The following SPAG16 variants were observed in gnomAD, a reference collection of about 807,000 sequenced individuals.
SPAG16 encodes sperm associated antigen 16.
Under a neutral mutation model 80.4 loss-of-function variants are expected in SPAG16, and 86 were observed. That is an observed-to-expected ratio of 1.07 (90% CI 0.90 to 1.28). The LOEUF (loss-of-function observed/expected upper bound fraction) is 1.28, where lower values mean the gene tolerates loss of function less well. Ranked by LOEUF, SPAG16 falls within the 50% of genes most tolerant of loss-of-function variation. The probability of loss-of-function intolerance (pLI) is 0.00; values close to 1 mark genes in which losing one functional copy is unlikely to be tolerated. For synonymous variants in SPAG16, 294 were observed against 265.9 expected (o/e 1.11, Z -1.03); for missense variants, 870 against 765.3 (o/e 1.14, Z -1.61).
At chr2:214,264,673 A>G (rs1420539700) in intron 15 of SPAG16, among the ~76,000 whole-genome samples, 1 of 152,136 alleles carries the variant, frequency 6.6e-6, no homozygotes, top group African/African-American at 2.4e-5. Context: ...GTGCTGTTGA[A>G]GTCCATGCAT....
chr2:213,530,770 G>C (rs982566831), intron 10 of SPAG16, among the ~76,000 whole-genome samples: 2 of 151,660 alleles, frequency 1.3e-5, no homozygotes, highest in African/African-American at 4.8e-5. Context: ...TACAATTCCT[G>C]TTAGTTGGAT....
At chr2:213,593,731 T>C (rs1322240009) in intron 10 of SPAG16, among the ~76,000 whole-genome samples, 2 of 123,640 alleles carry the variant, frequency 1.6e-5, no homozygotes, top group Admixed American at 9.5e-5. Context: ...TCATACCCCA[T>C]CATCCCCACC....
At chr2:213,348,615 T>G (rs1394457811) in intron 6 of SPAG16, among the ~76,000 whole-genome samples, 1 of 152,082 alleles carries the variant, frequency 6.6e-6, no homozygotes, top group East Asian at 1.9e-4. Context: ...TGTAAAGGAT[T>G]TTATTTCTCC....
chr2:213,348,708 C>A (rs996979450), intron 6 of SPAG16, among the ~76,000 whole-genome samples: 1 of 152,220 alleles, frequency 6.6e-6, no homozygotes, highest in Non-Finnish European at 1.5e-5. Context: ...TATTGGCCCC[C>A]ACTCTCTTCT....
intron 13 of SPAG16, among the ~76,000 whole-genome samples, chr2:214,042,438 AC>A (rs1239817911): frequency 9.8e-5 from 3 of 30,584 alleles, no homozygotes; most frequent in African/African-American, 2.4e-4. Context: ...AAACAAAACA[AC>A]AACAACAACA....
intron 10 of SPAG16, among the ~76,000 whole-genome samples, chr2:213,624,050 A>G (rs2061874847): frequency 6.6e-6 from 1 of 152,166 alleles, no homozygotes; most frequent in African/African-American, 2.4e-5. Flanking sequence ...ATTTACACCA[A>G]TTTATGGAAA....
chr2:213,909,454 T>G (rs1381849025), intron 11 of SPAG16, among the ~76,000 whole-genome samples: 2 of 152,174 alleles, frequency 1.3e-5, no homozygotes, highest in African/African-American at 2.4e-5. Context: ...GCTGGAGGCA[T>G]CACGCTACCT....
chr2:213,414,967 GA>G (rs2069170858), intron 9 of SPAG16, among the ~76,000 whole-genome samples: 1 of 152,214 alleles, frequency 6.6e-6, no homozygotes, highest in East Asian at 1.9e-4. Context: ...GGAAACCCAT[GA>G]TAAAACCATC....
chr2:214,123,640 G>A (rs1002747543), intron 14 of SPAG16, among the ~76,000 whole-genome samples: 2 of 152,012 alleles, frequency 1.3e-5, no homozygotes, highest in Admixed American at 1.3e-4. Flanking sequence ...AATAATCTCA[G>A]GAATATGAAG....
chr2:213,953,857 T>C (rs1274635972), intron 12 of SPAG16, among the ~76,000 whole-genome samples: 3 of 151,892 alleles, frequency 2.0e-5, no homozygotes, highest in Non-Finnish European at 2.9e-5. Flanking sequence ...ACCAAAAGAT[T>C]GTATGCAATG....
intron 15 of SPAG16, chr2:214,238,225 G>A (rs1689209775): frequency 9.7e-6 from 4 of 413,550 alleles, no homozygotes; most frequent in South Asian, 5.3e-5. Context: ...GCCAATGGTA[G>A]GACTGCACAA....
intron 9 of SPAG16, among the ~76,000 whole-genome samples, chr2:213,460,494 TG>T (rs1559154730): frequency 6.6e-6 from 1 of 152,206 alleles, no homozygotes; most frequent in Non-Finnish European, 1.5e-5. Context: ...TTGCTAATGT[TG>T]CAGGGAACCT....
In SPAG16 at chr2:214,059,747, ATTT is replaced by A. The variant is rs11313038; in HGVS notation, c.1527+45679_1527+45681del. Among the ~76,000 whole-genome samples the A allele has an allele frequency of 1.4e-3, 210 of 148,334 alleles. 3 individuals are homozygous for A. The highest frequency in any genetic ancestry group is 1.5e-4 in the Non-Finnish European group (10 of 66,896). On this transcript the variant is annotated intron_variant, in intron 13 of 15. Transcript: ENST00000331683. The stretch of plus-strand genomic sequence containing the variant: ...CAGGTTACTTATACCCTTTAAGGTT[ATTT>A]TTTTTTTTGCCATATTTTCATTATA...
intron 9 of SPAG16, among the ~76,000 whole-genome samples, chr2:213,444,892 A>G (rs1018174887): frequency 6.6e-6 from 1 of 152,210 alleles, no homozygotes; most frequent in South Asian, 2.1e-4. Flanking sequence ...AAAAATAGAC[A>G]TATAGACTAA....
chr2:213,291,289 G>T (rs2062263932), intron 1 of SPAG16, among the ~76,000 whole-genome samples: 1 of 152,160 alleles, frequency 6.6e-6, no homozygotes. Context: ...ATCAGTTTGT[G>T]CACCTGTCCC....
intron 9 of SPAG16, among the ~76,000 whole-genome samples, chr2:213,481,630 C>T (rs562716820): frequency 6.6e-6 from 1 of 152,188 alleles, no homozygotes; most frequent in Non-Finnish European, 1.5e-5. Context: ...ATTATGGGGG[C>T]AACCAGTATG....
intron 10 of SPAG16, among the ~76,000 whole-genome samples, chr2:213,761,011 T>C (rs532091717): frequency 7.2e-4 from 110 of 152,300 alleles, no homozygotes; most frequent in African/African-American, 2.2e-3. Context: ...TCACCCCTTA[T>C]TTGGCTCCAT....
At chr2:214,141,334 G>A (rs549269572) in intron 14 of SPAG16, among the ~76,000 whole-genome samples, 34 of 151,990 alleles carry the variant, frequency 2.2e-4, no homozygotes, top group South Asian at 2.1e-4. Flanking sequence ...AGGCACGGTG[G>A]CATGTGCCTG....
intron 11 of SPAG16, among the ~76,000 whole-genome samples, chr2:213,904,297 A>G (rs1291746329): frequency 6.6e-6 from 1 of 152,198 alleles, no homozygotes; most frequent in African/African-American, 2.4e-5. Flanking sequence ...AATTGGACTT[A>G]CATAGTTCCA....
Sources: allele counts gnomAD v4.1 joint callset (sites outside exome capture counted in the v4.1 genomes callset), GRCh38; gene constraint gnomAD v4.1.1; transcripts MANE v1.5; gene names NCBI Gene and HGNC (gene_info 2026-07-23, HGNC 2026-07-21).